The following RBFOX3 variants were observed in gnomAD, a reference collection of about 807,000 sequenced individuals.
The protein encoded by RBFOX3 is RNA binding fox-1 homolog 3, also known as RNA binding protein fox-1 homolog 3.
Under a neutral mutation model 48.7 loss-of-function variants are expected in RBFOX3, and 17 were observed. That is an observed-to-expected ratio of 0.35 (90% CI 0.24 to 0.52). RBFOX3 has a LOEUF of 0.52. Ranked by LOEUF, RBFOX3 falls within the 20% of genes least tolerant of loss-of-function variation. The pLI, the probability that RBFOX3 is intolerant of heterozygous loss-of-function variation, is 0.94. For missense variants in RBFOX3, 382 were observed against 497.5 expected (o/e 0.77, Z 2.21); for synonymous variants, 212 against 209.5 (o/e 1.01, Z -0.10).
At chr17:79,620,369 G>A in the RBFOX3 span, among the ~76,000 whole-genome samples, 423 of 119,824 alleles carry the variant, frequency 3.5e-3, 1 homozygote, top group African/African-American at 0.013. Context: ...GGACACACAC[G>A]GACATACACA....
chr17:79,322,886 G>C (rs947583209), intron 2 of RBFOX3, among the ~76,000 whole-genome samples: 1 of 152,232 alleles, frequency 6.6e-6, no homozygotes. Context: ...ACAGCCGACT[G>C]TCTACACAGC....
intron 3 of RBFOX3, among the ~76,000 whole-genome samples, chr17:79,292,599 CGCACACACACACACACAT>C: frequency 8.7e-6 from 1 of 114,844 alleles, no homozygotes; most frequent in Non-Finnish European, 1.8e-5. Context: ...CACACACACA[CGCACACACACACACACAT>C]ACATGCAGAC....
chr17:79,390,426 G>A lies in RBFOX3; in HGVS notation c.-174-82602C>T, dbSNP rs1316678696. ...GCCCCATCTGCCCACTTTGGTGCTG[G>A]AAAATGCACTCAGAGTCCAACCGGC... On this transcript the variant is annotated intron_variant, in intron 2 of 14. Transcript: ENST00000693108. The surrounding 1 kb of genome is among the most constrained non-coding windows in gnomAD (Gnocchi z 4.2). 2.0e-5 allele frequency among the ~76,000 whole-genome samples: 3 copies of A among 151,970 alleles called. No individual in the cohort carries two copies. The highest frequency in any genetic ancestry group is 2.0e-4 in the Admixed American group (3 of 15,272).
At chr17:79,130,164 G>A (rs1036350739) in intron 4 of RBFOX3, among the ~76,000 whole-genome samples, 6 of 152,148 alleles carry the variant, frequency 3.9e-5, no homozygotes, top group East Asian at 3.9e-4. Flanking sequence ...TAGGGCTGTC[G>A]GACGCCCCGC....
In RBFOX3 at chr17:79,430,141, C is replaced by G. The variant is rs189054775; in HGVS notation, c.-175+52313G>C. 1.9e-3 allele frequency among the ~76,000 whole-genome samples: 296 copies of G among 152,222 alleles called. 3 individuals are homozygous for G. The highest frequency in any genetic ancestry group is 7.0e-3 in the African/African-American group (292 of 41,526). ...ACTCAGACCACAGGGGCCAGCCAGC[C>G]GTCGCTTTGAAGACGACTTCAGAGA... On this transcript the variant is annotated intron_variant, in intron 2 of 14. Transcript: ENST00000693108.
intron 2 of RBFOX3, among the ~76,000 whole-genome samples, chr17:79,348,684 G>T (rs1020024625): frequency 7.2e-6 from 1 of 139,476 alleles, no homozygotes; most frequent in Non-Finnish European, 1.5e-5. Flanking sequence ...GGGTTCAAGT[G>T]ATTCTCCTGC....
At chr17:79,412,567 GGTAT>G (rs200049330) in intron 2 of RBFOX3, among the ~76,000 whole-genome samples, 3,762 of 151,388 alleles carry the variant, frequency 0.025, 163 homozygotes, top group African/African-American at 0.087. Flanking sequence ...TGTGCTGTGT[GGTAT>G]GTGTGTGTAT....
the RBFOX3 span, among the ~76,000 whole-genome samples, chr17:79,658,202 G>C: frequency 6.6e-6 from 1 of 152,108 alleles, no homozygotes; most frequent in Admixed American, 6.5e-5. Flanking sequence ...AGGAAGCATG[G>C]AGTCACTCTG....
intron 4 of RBFOX3, among the ~76,000 whole-genome samples, chr17:79,124,028 T>A (rs960352586): frequency 6.6e-6 from 1 of 152,128 alleles, no homozygotes; most frequent in Non-Finnish European, 1.5e-5. Context: ...GCACACACCC[T>A]CTTCAACACA....
chr17:79,635,846 A>G, the RBFOX3 span, among the ~76,000 whole-genome samples: 1 of 152,258 alleles, frequency 6.6e-6, no homozygotes, highest in Admixed American at 6.5e-5. Flanking sequence ...ATCATTAAAG[A>G]AATTCAACTA....
At chr17:79,624,102 G>A in the RBFOX3 span, among the ~76,000 whole-genome samples, 1,014 of 152,286 alleles carry the variant, frequency 6.7e-3, 18 homozygotes, top group African/African-American at 0.023. Flanking sequence ...CCTCCAGAAC[G>A]GCAAGATAAT....
At chr17:79,344,865 C>T (rs1159107843) in intron 2 of RBFOX3, among the ~76,000 whole-genome samples, 1 of 152,084 alleles carries the variant, frequency 6.6e-6, no homozygotes, top group Non-Finnish European at 1.5e-5. Context: ...CATCTGTTTG[C>T]TTTTCAACCC....
At chr17:79,568,301 C>T (rs1050835803) in intron 1 of RBFOX3, among the ~76,000 whole-genome samples, 5 of 152,212 alleles carry the variant, frequency 3.3e-5, no homozygotes, top group Non-Finnish European at 4.4e-5. Flanking sequence ...CCTTTTATCA[C>T]ACAGCCTGAG....
At chr17:79,661,802 G>T in the RBFOX3 span, among the ~76,000 whole-genome samples, 1 of 152,224 alleles carries the variant, frequency 6.6e-6, no homozygotes, top group Non-Finnish European at 1.5e-5. Context: ...CCAGTGTCTA[G>T]ATGGCAGTAT....
chr17:79,183,867 C>T (rs894891658), intron 4 of RBFOX3, among the ~76,000 whole-genome samples: 1 of 152,142 alleles, frequency 6.6e-6, no homozygotes, highest in Non-Finnish European at 1.5e-5. Context: ...CGGGGCAGCC[C>T]TCCCTCGCGC....
chr17:79,150,838 A>C (rs1599688142), intron 4 of RBFOX3, among the ~76,000 whole-genome samples: 1 of 152,084 alleles, frequency 6.6e-6, no homozygotes, highest in Admixed American at 6.5e-5. Flanking sequence ...CAGGGGGGTC[A>C]CCTCAGCTCG....
chr17:79,154,611 C>T (rs1350216694), intron 4 of RBFOX3, among the ~76,000 whole-genome samples: 1 of 152,136 alleles, frequency 6.6e-6, no homozygotes, highest in Non-Finnish European at 1.5e-5. Context: ...CCCAGCCGGG[C>T]ATGAGCCAGG....
At chr17:79,218,701 G>A (rs2059365887) in intron 4 of RBFOX3, among the ~76,000 whole-genome samples, 1 of 152,210 alleles carries the variant, frequency 6.6e-6, no homozygotes. Context: ...GTTCCATTCT[G>A]CCTGCAGGCT....
intron 4 of RBFOX3, among the ~76,000 whole-genome samples, chr17:79,134,580 C>G (rs1203717065): frequency 6.6e-6 from 1 of 152,204 alleles, no homozygotes; most frequent in African/African-American, 2.4e-5. Context: ...GACTGCGGAC[C>G]CTGTCATCTG....
Sources: allele counts gnomAD v4.1 joint callset (sites outside exome capture counted in the v4.1 genomes callset), GRCh38; gene constraint gnomAD v4.1.1; non-coding constraint Gnocchi (gnomAD v3.1); transcripts MANE v1.5; gene names NCBI Gene and HGNC (gene_info 2026-07-23, HGNC 2026-07-21).